Variants in TACC3 observed in about 807,000 individuals in gnomAD.
The protein encoded by TACC3 is transforming acidic coiled-coil-containing protein 3.
Under a neutral mutation model 86.0 loss-of-function variants are expected in TACC3, and 52 were observed. The observed-to-expected ratio is 0.60, with a 90% CI of 0.48 to 0.76. TACC3 has a LOEUF of 0.76. Among genes scored for constraint, TACC3 ranks in the 30% least tolerant of loss-of-function variants. The pLI, the probability that TACC3 is intolerant of heterozygous loss-of-function variation, is 0.00. For missense variants in TACC3, 1,120 were observed against 1,070.4 expected (o/e 1.05, Z -0.65); for synonymous variants, 512 against 430.0 (o/e 1.19, Z -2.36).
chr4:1,727,095 C>T (rs1717724533), intron 3 of TACC3, among the ~76,000 whole-genome samples: 1 of 151,738 alleles, frequency 6.6e-6, no homozygotes, highest in South Asian at 2.1e-4. Flanking sequence ...CATGCCATTA[C>T]ACTCCAGCCT....
In TACC3 at chr4:1,730,937, C is replaced by T; in HGVS notation, c.1436C>T (p.Ala479Val). Residue 479 changes from alanine (A) to valine (V), a missense_variant, in exon 5 of 16, where the codon GCC becomes GTC. By Grantham distance (64) the Ala-to-Val change is moderately conservative (BLOSUM62 0). Coordinates refer to ENST00000313288, the MANE Select transcript of TACC3 (RefSeq NM_006342.3). ...AEDTPVVQLA[A>V]ETPTAESKER... ...GACACGCCTGTGGTGCAGTTGGCAGCCGAGACCCCAACAGCAGAGAGCAAG... is the reference window on the plus strand; with the variant it reads ...GACACGCCTGTGGTGCAGTTGGCAGTCGAGACCCCAACAGCAGAGAGCAAG... 2 of 1,613,424 alleles carry T rather than the reference C, an allele frequency of 1.2e-6. No individual in the cohort carries two copies. Among genetic ancestry groups the T allele is most frequent in the Non-Finnish European group, 1.7e-6 (2 of 1,180,036 alleles).
rs967058717 is a variant in TACC3, at chr4:1,737,908, C to A, written c.1941+206C>A. The A allele has an allele frequency of 5.9e-6, 4 of 676,074 alleles. No individual in the cohort carries two copies. The Admixed American group carries it at 6.2e-5, about 10-fold the overall frequency. 41.9% of individuals were successfully genotyped at this position (676,074 alleles called of 1,614,324 possible). ...GGTCCAGGCTTCCACCCAGTGTCCCCGCAGTCAGCTGCCCACCAGCAGCCT... is the reference window on the plus strand; with the variant it reads ...GGTCCAGGCTTCCACCCAGTGTCCCAGCAGTCAGCTGCCCACCAGCAGCCT... On this transcript the variant is annotated intron_variant, in intron 10 of 15. Coordinates refer to ENST00000313288, the MANE Select transcript of TACC3 (RefSeq NM_006342.3).
At chr4:1,730,480 G>A (rs1358217628) in intron 4 of TACC3, 1 of 355,596 alleles carries the variant, frequency 2.8e-6, no homozygotes, top group African/African-American at 2.1e-5. Context: ...GTATATTTAT[G>A]ATACTGGAAC....
chr4:1,730,998 C>T (rs1470179310), intron 5 of TACC3, 36 bp downstream of exon 5: 2 of 1,612,032 alleles, frequency 1.2e-6, no homozygotes, highest in Non-Finnish European at 1.7e-6. Context: ...GTGCTCCTGG[C>T]CTGGTCGTGT....
At chr4:1,731,054 G>A in intron 5 of TACC3, 92 bp downstream of exon 5, 2 of 1,597,896 alleles carry the variant, frequency 1.3e-6, no homozygotes, top group Non-Finnish European at 1.7e-6. Context: ...TTGGGTGACG[G>A]GGTGGGATGT....
chr4:1,740,426 G>A (rs1718530835), intron 12 of TACC3: 2 of 343,692 alleles, frequency 5.8e-6, no homozygotes, highest in South Asian at 7.5e-5. Flanking sequence ...GCTACTGTGG[G>A]GATCTGTCTT....
rs1253108711 is a variant in TACC3, at chr4:1,735,134, C to T, written c.1592-139C>T. Reference sequence around the variant, plus strand: ...CCTGCCGCAGACAGCAGTCAGGCCCCGAACATCCACACCTCCAAGGGAGGA... The same window carrying T: ...CCTGCCGCAGACAGCAGTCAGGCCCTGAACATCCACACCTCCAAGGGAGGA... On this transcript the variant is annotated intron_variant, in intron 6 of 15. Coordinates refer to ENST00000313288, the MANE Select transcript of TACC3 (RefSeq NM_006342.3). This position sits in a 1 kb window ranked among gnomAD's most constrained non-coding sequence, Gnocchi z 4.2. 4 of 1,230,746 alleles carry T rather than the reference C, an allele frequency of 3.3e-6. No individual in the cohort carries two copies. Among genetic ancestry groups the T allele is most frequent in the Non-Finnish European group, 3.4e-6 (3 of 870,144 alleles). The allele number at this position is 1,230,746 out of a possible 1,614,324, so 76.2% of individuals were successfully genotyped here. A position where few individuals can be genotyped will look rare whatever the true frequency, so the allele number is the denominator to read the frequency against.
intron 6 of TACC3, among the ~76,000 whole-genome samples, chr4:1,732,901 T>A (rs1018148869): frequency 2.6e-5 from 4 of 152,220 alleles, no homozygotes; most frequent in African/African-American, 9.6e-5. Context: ...GCCTCGAATG[T>A]TCAGGTGTAA....
At position 1,735,874 on chromosome 4, in the gene TACC3, T is replaced by C. The variant is rs745406318; in HGVS notation, c.1748+40T>C. The C allele has an allele frequency of 7.1e-7, 1 of 1,412,768 alleles. No individual in the cohort carries two copies. The highest frequency in any genetic ancestry group is 1.4e-5 in the African/African-American group (1 of 69,612). The allele number at this position is 1,412,768 out of a possible 1,614,324, so 87.5% of individuals were successfully genotyped here. ...CCTCCCTCATGCATGAAGCCTTGAG[T>C]GTGGGAAGACTGGAGGCTGTTCCTA... On this transcript the variant is annotated intron_variant, in intron 8 of 15. Transcript: ENST00000313288. The surrounding 1 kb of genome is among the most constrained non-coding windows in gnomAD (Gnocchi z 4.2).
intron 4 of TACC3, chr4:1,730,371 A>G (rs1307269402): frequency 1.7e-5 from 4 of 235,548 alleles, no homozygotes; most frequent in African/African-American, 6.9e-5. Flanking sequence ...AAAGATTATT[A>G]TAATATTAGA....
rs1485071131 is a variant in TACC3, at chr4:1,728,260, T to C, written c.858T>C (p.Asp286=). 6.2e-7 allele frequency: 1 copy of C among 1,612,608 alleles called. No homozygotes were observed. The highest frequency in any genetic ancestry group is 8.5e-7 in the Non-Finnish European group (1 of 1,179,998). ...PAGVGTPVPA[D]GTQTLTCAHT... ...GTGTGGGCACCCCCGTGCCAGCAGATGGCACTCAGACCCTTACCTGTGCAC... is the reference window on the plus strand; with the variant it reads ...GTGTGGGCACCCCCGTGCCAGCAGACGGCACTCAGACCCTTACCTGTGCAC... The change falls in exon 4 of 16, where the codon GAT becomes GAC. Residue 286 remains aspartate (D), a synonymous_variant. Coordinates refer to ENST00000313288, the MANE Select transcript of TACC3 (RefSeq NM_006342.3).
Position 1,744,734 on chromosome 4 carries a change from G to A in TACC3, c.2353G>A (p.Val785Ile). Reference protein sequence around the residue: ...LQLANEEIAQVRSKAQAEALA... With the variant: ...LQLANEEIAQIRSKAQAEALA... The stretch of plus-strand genomic sequence containing the variant: ...CAGGGCAAACGAGGAGATCGCCCAG[G>A]TCCGGAGCAAGGCCCAGGCGGAAGC... Residue 785 changes from valine to isoleucine, a missense_variant, in exon 15 of 16, where the codon GTC becomes ATC. By Grantham distance (29) the Val-to-Ile change is conservative (BLOSUM62 3). Transcript: ENST00000313288. 6.2e-7 allele frequency: 1 copy of A among 1,612,676 alleles called. No homozygotes were observed. The highest frequency in any genetic ancestry group is 1.1e-5 in the South Asian group (1 of 91,080).
chr4:1,728,249 G>C lies in TACC3; in HGVS notation c.847G>C (p.Val283Leu), dbSNP rs148401393. 1.2e-6 allele frequency: 2 copies of C among 1,612,430 alleles called. No individual in the cohort carries two copies. The highest frequency in any genetic ancestry group is 8.5e-7 in the Non-Finnish European group (1 of 1,179,962). ...LGCPAGVGTPVPADGTQTLTC... is the reference protein window; with the variant it reads ...LGCPAGVGTPLPADGTQTLTC... Reference sequence around the variant, plus strand: ...CTGCCCTGCGGGTGTGGGCACCCCCGTGCCAGCAGATGGCACTCAGACCCT... The same window carrying C: ...CTGCCCTGCGGGTGTGGGCACCCCCCTGCCAGCAGATGGCACTCAGACCCT... Residue 283 changes from valine (V) to leucine (L), a missense_variant, in exon 4 of 16, where the codon GTG becomes CTG. Coordinates refer to ENST00000313288, the MANE Select transcript of TACC3 (RefSeq NM_006342.3).
chr4:1,740,835 A>G lies in TACC3; in HGVS notation c.2072A>G (p.Gln691Arg). The G allele has an allele frequency of 6.2e-7, 1 of 1,605,214 alleles. No individual in the cohort carries two copies. The highest frequency in any genetic ancestry group is 1.3e-5 in the African/African-American group (1 of 74,232). The change falls in exon 13 of 16, where the codon CAG becomes CGG. Residue 691 changes from glutamine (Q) to arginine (R), a missense_variant. Gln to Arg is a conservative substitution (Grantham distance 43, BLOSUM62 1). Coordinates refer to ENST00000313288, the MANE Select transcript of TACC3 (RefSeq NM_006342.3). Reference protein sequence around the residue: ...EVVYQAMEEVQKQKELSKAEI... With the variant: ...EVVYQAMEEVRKQKELSKAEI... ...CTTTTCTTTTCTCAAGAGGAAGTTCAGAAGCAGAAGGAACTTTCCAAAGCT... is the reference window on the plus strand; with the variant it reads ...CTTTTCTTTTCTCAAGAGGAAGTTCGGAAGCAGAAGGAACTTTCCAAAGCT...
intron 3 of TACC3, among the ~76,000 whole-genome samples, chr4:1,724,792 C>T (rs144570096): frequency 0.02 from 2,914 of 146,360 alleles, 113 homozygotes; most frequent in African/African-American, 0.069. Context: ...GACAGAGTTT[C>T]GCTCTGTCAC....
intron 13 of TACC3, among the ~76,000 whole-genome samples, chr4:1,742,798 C>CAAA (rs755757373): frequency 0.41 from 53,773 of 132,662 alleles, 10,652 homozygotes; most frequent in Non-Finnish European, 0.49. Context: ...GACTCCATCT[C>CAAA]AAAAAAAAAA....
chr4:1,728,886 T>C, intron 4 of TACC3, 99 bp downstream of exon 4: 1 of 1,241,578 alleles, frequency 8.1e-7, no homozygotes, highest in Non-Finnish European at 1.1e-6. Flanking sequence ...AGATACTCCT[T>C]TGAGGCCGGG....
chr4:1,734,332 C>G (rs1441220546), intron 6 of TACC3, among the ~76,000 whole-genome samples: 1 of 152,072 alleles, frequency 6.6e-6, no homozygotes, highest in Non-Finnish European at 1.5e-5. Context: ...GGATTACAGG[C>G]TCATGCCACC....
chr4:1,734,808 G>A (rs181579814), intron 6 of TACC3, among the ~76,000 whole-genome samples: 436 of 152,172 alleles, frequency 2.9e-3, no homozygotes, highest in Non-Finnish European at 4.6e-3. Context: ...TAATAGGAGT[G>A]CAGCACCGCG....
Sources: allele counts gnomAD v4.1 joint callset (sites outside exome capture counted in the v4.1 genomes callset), GRCh38; gene constraint gnomAD v4.1.1; non-coding constraint Gnocchi (gnomAD v3.1); transcripts MANE v1.5; gene names NCBI Gene and HGNC (gene_info 2026-07-23, HGNC 2026-07-21).